PRLR: variants seen among roughly 807,000 people sequenced by gnomAD.
PRLR encodes the protein prolactin receptor, also known as hPRL receptor.
PRLR carries 13 observed loss-of-function variants against 40.2 expected under a neutral mutation model. The ratio of observed to expected loss-of-function variants is 0.32; its 90% confidence interval spans 0.21 to 0.51. The LOEUF (loss-of-function observed/expected upper bound fraction) is 0.51, where lower values mean the gene tolerates loss of function less well. Among genes scored for constraint, PRLR ranks in the 20% least tolerant of loss-of-function variants. PRLR has a pLI of 0.97. For synonymous variants in PRLR, 269 were observed against 278.7 expected (o/e 0.97, Z 0.35); for missense variants, 656 against 747.3 (o/e 0.88, Z 1.42).
intron 1 of PRLR, among the ~76,000 whole-genome samples, chr5:35,155,728 G>A (rs141580100): frequency 2.1e-3 from 317 of 152,316 alleles, no homozygotes; most frequent in African/African-American, 7.2e-3. Flanking sequence ...CTCCCAGGGC[G>A]TGAAGCTAGA....
chr5:35,078,737 C>G (rs189570956), intron 5 of PRLR, among the ~76,000 whole-genome samples: 1 of 152,318 alleles, frequency 6.6e-6, no homozygotes, highest in African/African-American at 2.4e-5. Context: ...ATACCAAAGC[C>G]TGGCAGAGAC....
chr5:35,203,603 A>C (rs969337945), intron 1 of PRLR, among the ~76,000 whole-genome samples: 1 of 152,172 alleles, frequency 6.6e-6, no homozygotes, highest in African/African-American at 2.4e-5. Context: ...CTACTTAATG[A>C]AACTCCAGTG....
At chr5:35,109,973 T>C (rs1772547024) in intron 2 of PRLR, among the ~76,000 whole-genome samples, 1 of 152,298 alleles carries the variant, frequency 6.6e-6, no homozygotes, top group East Asian at 1.9e-4. Context: ...AACCCAAATG[T>C]CCATCAGTGA....
intron 1 of PRLR, among the ~76,000 whole-genome samples, chr5:35,205,685 C>T (rs954598842): frequency 7.2e-5 from 11 of 152,136 alleles, no homozygotes; most frequent in Non-Finnish European, 1.3e-4. Flanking sequence ...TAAAGAAGAA[C>T]ATACCAAAGA....
chr5:35,208,095 C>T (rs1258632369), intron 1 of PRLR, among the ~76,000 whole-genome samples: 5 of 151,976 alleles, frequency 3.3e-5, no homozygotes, highest in African/African-American at 4.8e-5. Context: ...GTCTTTCTCT[C>T]GGACTGCCGC....
chr5:35,111,124 G>C (rs143147493), intron 2 of PRLR, among the ~76,000 whole-genome samples: 117 of 152,280 alleles, frequency 7.7e-4, no homozygotes, highest in African/African-American at 2.5e-3. Context: ...AATATATGTG[G>C]TGTAGTTGTA....
intron 1 of PRLR, among the ~76,000 whole-genome samples, chr5:35,168,897 C>A (rs777877877): frequency 6.6e-6 from 1 of 152,098 alleles, no homozygotes; most frequent in Non-Finnish European, 1.5e-5. Flanking sequence ...GACTTCAGTA[C>A]AAGATCATCC....
chr5:35,167,877 T>C (rs866367998), intron 1 of PRLR, among the ~76,000 whole-genome samples: 1 of 151,882 alleles, frequency 6.6e-6, no homozygotes, highest in Non-Finnish European at 1.5e-5. Context: ...GGGATTAAAA[T>C]AGAAACAAAG....
At chr5:35,226,862 C>G (rs1273193628) in intron 1 of PRLR, among the ~76,000 whole-genome samples, 1 of 152,248 alleles carries the variant, frequency 6.6e-6, no homozygotes, top group African/African-American at 2.4e-5. Flanking sequence ...GGGCTGGGAT[C>G]CTGTGTGTCT....
intron 1 of PRLR, among the ~76,000 whole-genome samples, chr5:35,207,903 A>G (rs868348130): frequency 1.3e-5 from 2 of 152,170 alleles, no homozygotes; most frequent in African/African-American, 2.4e-5. Flanking sequence ...TTACCAGTTT[A>G]GACGTTTCAT....
chr5:35,090,433 A>C (rs966095894), intron 2 of PRLR, among the ~76,000 whole-genome samples: 2 of 152,190 alleles, frequency 1.3e-5, no homozygotes, highest in Non-Finnish European at 2.9e-5. Flanking sequence ...GCCTTGTAAG[A>C]AAAAAGGATT....
chr5:35,129,533 G>A (rs1773586100), intron 1 of PRLR, among the ~76,000 whole-genome samples: 2 of 152,110 alleles, frequency 1.3e-5, no homozygotes, highest in African/African-American at 4.8e-5. Context: ...AGCAAATGTG[G>A]GGTTGAAACT....
intron 6 of PRLR, 124 bp downstream of exon 6, chr5:35,072,451 T>A (rs1035260510): frequency 3.7e-5 from 42 of 1,138,252 alleles, no homozygotes; most frequent in Non-Finnish European, 1.5e-5. Context: ...TCTGGGTGGG[T>A]CACAACTGCA....
chr5:35,176,123 G>A lies in PRLR; in HGVS notation c.-106+54145C>T, dbSNP rs538530617. 3.3e-5 allele frequency among the ~76,000 whole-genome samples: 5 copies of A among 152,236 alleles called. No homozygotes were observed. In the East Asian group the frequency reaches 9.6e-4, roughly 29 times the overall value. ...CTGAGTGATTTGATAAAACTCAGTTGAGTCTTTCTGTACTGTCCCTTGTTA... is the reference window on the plus strand; with the variant it reads ...CTGAGTGATTTGATAAAACTCAGTTAAGTCTTTCTGTACTGTCCCTTGTTA... On this transcript the variant is annotated intron_variant, in intron 1 of 9. Transcript: ENST00000618457.
chr5:35,205,954 C>T (rs552216345), intron 1 of PRLR, among the ~76,000 whole-genome samples: 38 of 151,976 alleles, frequency 2.5e-4, no homozygotes, highest in Non-Finnish European at 3.1e-4. Context: ...TATTCCTAGA[C>T]GAGTAATCAT....
intron 1 of PRLR, among the ~76,000 whole-genome samples, chr5:35,225,634 A>G (rs373749148): frequency 6.6e-6 from 1 of 152,250 alleles, no homozygotes; most frequent in East Asian, 1.9e-4. Flanking sequence ...TACCTAAAAT[A>G]TTATCATTTC....
chr5:35,217,538 T>C lies in PRLR; in HGVS notation c.-106+12730A>G, dbSNP rs1355386318. ...CTACTGGGGGATCAGCAATAGTCTGTAGGCTCCGGCTTCACACAGTCATAG... is the reference window on the plus strand; with the variant it reads ...CTACTGGGGGATCAGCAATAGTCTGCAGGCTCCGGCTTCACACAGTCATAG... On this transcript the variant is annotated intron_variant, in intron 1 of 9. Transcript: ENST00000618457. 4.6e-5 allele frequency among the ~76,000 whole-genome samples: 7 copies of C among 152,298 alleles called. No individual in the cohort carries two copies. In the South Asian group the frequency reaches 1.5e-3, roughly 32 times the overall value.
chr5:35,091,427 C>T (rs1771205133), intron 2 of PRLR, among the ~76,000 whole-genome samples: 1 of 152,178 alleles, frequency 6.6e-6, no homozygotes, highest in African/African-American at 2.4e-5. Context: ...TTCATTTTGT[C>T]ATCACAACAG....
At chr5:35,135,848 C>T (rs1168879629) in intron 1 of PRLR, among the ~76,000 whole-genome samples, 1 of 152,160 alleles carries the variant, frequency 6.6e-6, no homozygotes, top group East Asian at 1.9e-4. Context: ...CCATGGGGGA[C>T]CTGACCAGAA....
Sources: allele counts gnomAD v4.1 joint callset (sites outside exome capture counted in the v4.1 genomes callset), GRCh38; gene constraint gnomAD v4.1.1; transcripts MANE v1.5; gene names NCBI Gene and HGNC (gene_info 2026-07-23, HGNC 2026-07-21).